The following IRF2 variants were observed in gnomAD, a reference collection of about 807,000 sequenced individuals.
IRF2 encodes interferon regulatory factor 2.
In IRF2, 15 loss-of-function variants were observed where a neutral mutation model predicts 40.6. That is an observed-to-expected ratio of 0.37 (90% CI 0.25 to 0.57). IRF2 has a LOEUF of 0.57. Among genes scored for constraint, IRF2 ranks in the 20% least tolerant of loss-of-function variants. The pLI is 0.77. For missense variants in IRF2, 317 were observed against 455.7 expected (o/e 0.70, Z 2.77); for synonymous variants, 151 against 165.5 (o/e 0.91, Z 0.67).
At chr4:184,425,651 G>A (rs983017487) in intron 2 of IRF2, among the ~76,000 whole-genome samples, 9 of 152,352 alleles carry the variant, frequency 5.9e-5, no homozygotes, top group South Asian at 2.1e-4. Context: ...TCCATGCCTC[G>A]GGAAGAGAAC....
chr4:184,417,638 G>A (rs1428950410), intron 5 of IRF2, among the ~76,000 whole-genome samples: 2 of 152,250 alleles, frequency 1.3e-5, no homozygotes, highest in Non-Finnish European at 2.9e-5. Flanking sequence ...CTTGTGGGGT[G>A]TGAGAGATGA....
Position 184,388,853 on chromosome 4 carries a change from G to C in IRF2, c.955C>G (p.Pro319Ala), listed in dbSNP as rs1314965713. The change falls in exon 9 of 9, where the codon CCA (proline) becomes GCA (alanine). Residue 319 changes from proline to alanine, a missense_variant. This residue lies in a region of IRF2 where 262 missense variants were observed against 334.0 expected (regional missense o/e 0.78). Coordinates refer to ENST00000393593, the MANE Select transcript of IRF2 (RefSeq NM_002199.4). The surrounding 1 kb of genome is among the most constrained non-coding windows in gnomAD (Gnocchi z 4.6). ...QDLPLSSSMT[P>A]ASSSSRPDRE... ...TCTGGCCGACTGCTGCTGGATGCTG[G>C]GGTCATGGAGGAAGAAAGGGGGAGG... 17 of 1,614,078 alleles carry C rather than the reference G, an allele frequency of 1.1e-5. No individual in the cohort carries two copies. The highest frequency in any genetic ancestry group is 1.4e-5 in the Non-Finnish European group (16 of 1,180,016).
intron 2 of IRF2, among the ~76,000 whole-genome samples, chr4:184,425,597 G>A (rs1171902697): frequency 1.3e-5 from 2 of 152,268 alleles, no homozygotes; most frequent in African/African-American, 2.4e-5. Flanking sequence ...AGGTCCAGCT[G>A]TAGCGGAGGA....
chr4:184,396,978 T>C (rs569183987), intron 7 of IRF2, among the ~76,000 whole-genome samples: 1 of 152,286 alleles, frequency 6.6e-6, no homozygotes, highest in East Asian at 1.9e-4. Flanking sequence ...CAGTCAACTG[T>C]ACCCAAGCAC....
rs148894337 is a variant in IRF2, at chr4:184,446,869, T to C, written c.-6-17799A>G. Among the ~76,000 whole-genome samples the C allele has an allele frequency of 6.9e-3, 1,056 of 151,994 alleles. 18 individuals carry two copies. The highest frequency in any genetic ancestry group is 0.023 in the African/African-American group (970 of 41,434). On this transcript the variant is annotated intron_variant, in intron 1 of 8. Transcript: ENST00000393593. The stretch of plus-strand genomic sequence containing the variant: ...ACTCGGGAGGCTGAGGCAGGGAGAA[T>C]TGCTTGAACCCAGGAAGTGGAGCTT...
chr4:184,429,217 C>T (rs1201277376), intron 1 of IRF2, 147 bp from the exon 2 acceptor site: 5 of 651,382 alleles, frequency 7.7e-6, no homozygotes, highest in Non-Finnish European at 1.1e-5. Flanking sequence ...TACTCAGGGG[C>T]TGTGCCACCT....
At chr4:184,468,982 C>T (rs1169169758) in intron 1 of IRF2, among the ~76,000 whole-genome samples, 1 of 152,210 alleles carries the variant, frequency 6.6e-6, no homozygotes, top group Non-Finnish European at 1.5e-5. Flanking sequence ...CCACTCTAGG[C>T]ATCTGAGTTC....
chr4:184,431,881 A>G (rs1227648006), intron 1 of IRF2: 1 of 150,948 alleles, frequency 6.6e-6, no homozygotes, highest in African/African-American at 2.4e-5. Context: ...AAAAAAAACA[A>G]TGGTCACATC....
chr4:184,466,110 G>C (rs906043550), intron 1 of IRF2, among the ~76,000 whole-genome samples: 3 of 150,314 alleles, frequency 2.0e-5, no homozygotes, highest in Non-Finnish European at 4.4e-5. Flanking sequence ...ACCCAAGCTG[G>C]TGCGATCTCG....
rs566972514 is a variant in IRF2, at chr4:184,457,154, T to A, written c.-7+17225A>T. Among the ~76,000 whole-genome samples, 28 of 152,386 alleles carry A rather than the reference T, an allele frequency of 1.8e-4. No homozygotes were observed. The South Asian group carries it at 5.8e-3, about 32-fold the overall frequency. On this transcript the variant is annotated intron_variant, in intron 1 of 8. Transcript: ENST00000393593. Reference sequence around the variant, plus strand: ...CGACCTGTGAATAGACTGTGTTATGTGACAAATGGGAATTAAGGAGGCAGG... The same window carrying A: ...CGACCTGTGAATAGACTGTGTTATGAGACAAATGGGAATTAAGGAGGCAGG...
intron 7 of IRF2, among the ~76,000 whole-genome samples, 177 bp from the exon 8 acceptor site, chr4:184,390,926 G>A (rs1420286236): frequency 6.6e-6 from 1 of 152,220 alleles, no homozygotes; most frequent in Non-Finnish European, 1.5e-5. Context: ...GTAATCTTCG[G>A]AGAAACCAGG....
intron 1 of IRF2, among the ~76,000 whole-genome samples, chr4:184,429,529 C>T (rs1049958195): frequency 1.3e-5 from 2 of 152,194 alleles, no homozygotes; most frequent in African/African-American, 2.4e-5. Flanking sequence ...CTGGGTTATA[C>T]AAACGCTTTC....
At chr4:184,414,294 T>C (rs1341121651) in intron 5 of IRF2, among the ~76,000 whole-genome samples, 1 of 152,256 alleles carries the variant, frequency 6.6e-6, no homozygotes, top group African/African-American at 2.4e-5. Context: ...TTCTGAAACA[T>C]ATACATGCAC....
chr4:184,430,402 G>C (rs762587465), intron 1 of IRF2, among the ~76,000 whole-genome samples: 1 of 150,074 alleles, frequency 6.7e-6, no homozygotes, highest in Admixed American at 6.6e-5. Flanking sequence ...TGCTCATCCC[G>C]TGCCCTCTGC....
intron 1 of IRF2, among the ~76,000 whole-genome samples, chr4:184,456,588 C>A (rs1738943475): frequency 6.6e-6 from 1 of 152,246 alleles, no homozygotes; most frequent in Non-Finnish European, 1.5e-5. Context: ...ACCCCTCGGT[C>A]CAGCCAGGGC....
At chr4:184,467,936 G>A (rs1486381350) in intron 1 of IRF2, among the ~76,000 whole-genome samples, 1 of 152,150 alleles carries the variant, frequency 6.6e-6, no homozygotes. Flanking sequence ...GTATTTTGCT[G>A]AACTAAATTA....
intron 2 of IRF2, among the ~76,000 whole-genome samples, chr4:184,425,773 A>G (rs1344258081): frequency 6.6e-6 from 1 of 152,218 alleles, no homozygotes; most frequent in Non-Finnish European, 1.5e-5. Context: ...CCTGTATCAG[A>G]AAAACATGGA....
intron 1 of IRF2, among the ~76,000 whole-genome samples, chr4:184,439,547 G>T (rs1455331792): frequency 6.6e-6 from 1 of 152,064 alleles, no homozygotes; most frequent in Non-Finnish European, 1.5e-5. Flanking sequence ...GAGGCCAGTG[G>T]TGAATAGATT....
chr4:184,449,688 A>G (rs1361829184), intron 1 of IRF2, among the ~76,000 whole-genome samples: 1 of 152,236 alleles, frequency 6.6e-6, no homozygotes, highest in Non-Finnish European at 1.5e-5. Context: ...GCAGTCGGGG[A>G]TACCTTACCA....
Sources: allele counts gnomAD v4.1 joint callset (sites outside exome capture counted in the v4.1 genomes callset), GRCh38; gene constraint gnomAD v4.1.1; regional missense constraint gnomAD v4.1.1; non-coding constraint Gnocchi (gnomAD v3.1); transcripts MANE v1.5; gene names NCBI Gene and HGNC (gene_info 2026-07-23, HGNC 2026-07-21).